Variants in UNC13A observed in about 807,000 individuals in gnomAD.
UNC13A encodes the protein unc-13 homolog A, also known as protein unc-13 homolog A.
Under a neutral mutation model 219.7 loss-of-function variants are expected in UNC13A, and 61 were observed. That is an observed-to-expected ratio of 0.28 (90% CI 0.23 to 0.34). The LOEUF (loss-of-function observed/expected upper bound fraction) is 0.34, where lower values mean the gene tolerates loss of function less well. UNC13A is among the 10% of genes least tolerant of loss of function. UNC13A has a pLI of 1.00. For synonymous variants in UNC13A, 920 were observed against 884.6 expected (o/e 1.04, Z -0.71); for missense variants, 1,476 against 2,270.3 (o/e 0.65, Z 7.11).
At chr19:17,653,436 C>T (rs2079389798) in intron 11 of UNC13A, among the ~76,000 whole-genome samples, 1 of 151,760 alleles carries the variant, frequency 6.6e-6, no homozygotes, top group African/African-American at 2.4e-5. Context: ...CAACCTCCAC[C>T]TCCTGGGTTC....
At chr19:17,623,392 A>C in intron 36 of UNC13A, 150 bp downstream of exon 36, 8 of 520,216 alleles carry the variant, frequency 1.5e-5, no homozygotes, top group Non-Finnish European at 1.6e-5. Flanking sequence ...GCCCCGCCCC[A>C]GACAGACACA....
intron 38 of UNC13A, among the ~76,000 whole-genome samples, chr19:17,620,315 T>G (rs1243742424): frequency 2.0e-5 from 3 of 152,174 alleles, no homozygotes; most frequent in African/African-American, 4.8e-5. Context: ...GTCTACCAGC[T>G]GGCCATCTGG....
At chr19:17,651,959 C>G (rs950855744) in intron 12 of UNC13A, among the ~76,000 whole-genome samples, 2 of 152,110 alleles carry the variant, frequency 1.3e-5, no homozygotes, top group Admixed American at 1.3e-4. Flanking sequence ...CCACTGAAGA[C>G]TAAACAACTA....
Position 17,605,990 on chromosome 19 carries a change from G to GC in UNC13A, c.*63dup. The stretch of plus-strand genomic sequence containing the variant: ...CTGGGGAGGTCCCACCAAGGCGCAA[G>GC]CCCCGTCCCTCCCCGCCCAGCGCCC... On this transcript the variant is annotated 3_prime_UTR_variant, in exon 44 of 44. Coordinates refer to ENST00000519716, the MANE Select transcript of UNC13A (RefSeq NM_001080421.3). The GC allele has an allele frequency of 1.5e-6, 2 of 1,360,462 alleles. No homozygotes were observed. Among genetic ancestry groups the GC allele is most frequent in the South Asian group, 1.7e-5 (1 of 57,912 alleles). The allele number at this position is 1,360,462 out of a possible 1,614,324, so 84.3% of individuals were successfully genotyped here.
rs2080154836 is a variant in UNC13A at position 17,688,315 on chromosome 19, G to C, written c.-116C>G. 2 of 1,326,762 alleles carry C rather than the reference G, an allele frequency of 1.5e-6. No homozygotes were observed. Among genetic ancestry groups the C allele is most frequent in the African/African-American group, 1.6e-5 (1 of 64,272 alleles). 82.2% of individuals were successfully genotyped at this position (1,326,762 alleles called of 1,614,324 possible). ...CAGCCCGCGCTTGGCTCACGCCGGGGCCCGGCCGCCACCGGCCATCTTGGT... is the reference window on the plus strand; with the variant it reads ...CAGCCCGCGCTTGGCTCACGCCGGGCCCCGGCCGCCACCGGCCATCTTGGT... On this transcript the variant is annotated 5_prime_UTR_variant, in exon 1 of 44. Coordinates refer to ENST00000519716, the MANE Select transcript of UNC13A (RefSeq NM_001080421.3).
chr19:17,662,703 G>A (rs1019093052), intron 8 of UNC13A, among the ~76,000 whole-genome samples: 16 of 152,192 alleles, frequency 1.1e-4, no homozygotes, highest in Middle Eastern at 3.4e-3. Context: ...GGTGGATCAC[G>A]AGGTCAGGAG....
intron 1 of UNC13A, among the ~76,000 whole-genome samples, chr19:17,680,879 C>CTTTTTTTTTTTTTTTTTTTTTTTTTT (rs2079996579): frequency 2.5e-5 from 2 of 80,196 alleles, no homozygotes; most frequent in Non-Finnish European, 5.2e-5. Flanking sequence ...CTTTTTTTTT[C>CTTTTTTTTTTTTTTTTTTTTTTTTTT]TTTTCTTTTC....
rs571325205 is a variant in UNC13A, at chr19:17,605,949, C to A, written c.*105G>T. ...GCGCAGCCCACCCTTGGCGTGGAGC[C>A]CCCCGAGCCCCGCCCCTGGGGAGGT... On this transcript the variant is annotated 3_prime_UTR_variant, in exon 44 of 44. Transcript: ENST00000519716. The A allele has an allele frequency of 1.2e-5, 13 of 1,099,632 alleles. No individual in the cohort carries two copies. The highest frequency in any genetic ancestry group is 1.6e-5 in the Non-Finnish European group (13 of 833,112). The allele number at this position is 1,099,632 out of a possible 1,614,324, so 68.1% of individuals were successfully genotyped here.
chr19:17,676,093 G>A (rs1161391499), intron 1 of UNC13A, 52 bp from the exon 2 acceptor site: 2 of 1,528,776 alleles, frequency 1.3e-6, no homozygotes, highest in African/African-American at 1.4e-5. Flanking sequence ...ATGTGGGGAG[G>A]AGGAGGCAGA....
intron 28 of UNC13A, among the ~76,000 whole-genome samples, chr19:17,631,273 T>C (rs1157861745): frequency 7.0e-6 from 1 of 142,398 alleles, no homozygotes; most frequent in Non-Finnish European, 1.5e-5. Flanking sequence ...CAGGCTAAAG[T>C]GCAGTGGTGC....
At position 17,666,674 on chromosome 19, in the gene UNC13A, G is replaced by T; in HGVS notation, c.499C>A (p.Leu167Met). The change falls in exon 7 of 44, where the codon CTG becomes ATG. Residue 167 changes from leucine (L) to methionine (M), a missense_variant. By Grantham distance (15) the Leu-to-Met change is conservative. Transcript: ENST00000519716. ...CAGCACTGGTTGCTGGGGACAGGCA[G>T]AGGCTTGTCTTGCTCATCTTGGAAC... The part of the protein sequence containing the change: ...YSFQDEQDKP[L>M]PVPSNQCCNW... 1 of 1,530,574 alleles carries T rather than the reference G, an allele frequency of 6.5e-7. No homozygotes were observed. Among genetic ancestry groups the T allele is most frequent in the Non-Finnish European group, 8.8e-7 (1 of 1,137,518 alleles). 94.8% of individuals were successfully genotyped at this position (1,530,574 alleles called of 1,614,324 possible).
At chr19:17,679,553 T>TG (rs892686576) in intron 1 of UNC13A, among the ~76,000 whole-genome samples, 9 of 136,536 alleles carry the variant, frequency 6.6e-5, no homozygotes, top group African/African-American at 2.2e-4. Flanking sequence ...TGACAGGCTC[T>TG]GGGGGGTGAT....
intron 34 of UNC13A, 199 bp downstream of exon 34, chr19:17,626,434 A>C: frequency 1.8e-6 from 1 of 553,886 alleles, no homozygotes; most frequent in Non-Finnish European, 3.1e-6. Context: ...CATCCACACA[A>C]ATATTTACTC....
intron 7 of UNC13A, among the ~76,000 whole-genome samples, chr19:17,663,897 G>T (rs1318627865): frequency 6.6e-6 from 1 of 151,908 alleles, no homozygotes; most frequent in Non-Finnish European, 1.5e-5. Flanking sequence ...CCAAGCTCAA[G>T]TGATCCTCCC....
rs538477532 is a variant in UNC13A at position 17,662,113 on chromosome 19, C to T, written c.559+1419G>A. On this transcript the variant is annotated intron_variant, in intron 8 of 43. Coordinates refer to ENST00000519716, the MANE Select transcript of UNC13A (RefSeq NM_001080421.3). ...AAAAAATTAGCTGGGCATGGTGGCA[C>T]GCGCCTGTAATCCCAGCTACTTGGG... is the stretch of plus-strand genomic sequence containing the variant. 3.1e-4 allele frequency among the ~76,000 whole-genome samples: 47 copies of T among 152,040 alleles called. No individual in the cohort carries two copies. The South Asian group carries it at 8.7e-3, about 28-fold the overall frequency.
At chr19:17,648,267 A>C (rs952417220) in intron 16 of UNC13A, among the ~76,000 whole-genome samples, 164 bp downstream of exon 16, 105 of 23,064 alleles carry the variant, frequency 4.6e-3, no homozygotes, top group Admixed American at 5.5e-3. Context: ...CTTTAACCCC[A>C]CCCCTCCCTT....
At chr19:17,682,814 G>C (rs1035973947) in intron 1 of UNC13A, among the ~76,000 whole-genome samples, 18 of 152,188 alleles carry the variant, frequency 1.2e-4, no homozygotes, top group African/African-American at 4.3e-4. Flanking sequence ...TGTAATCCCA[G>C]CACTTTGGGA....
intron 1 of UNC13A, among the ~76,000 whole-genome samples, chr19:17,677,897 G>T (rs545758894): frequency 5.3e-5 from 8 of 152,094 alleles, no homozygotes; most frequent in African/African-American, 1.9e-4. Context: ...ACCCACGTTC[G>T]TTTTGCTTGA....
chr19:17,666,437 A>G (rs964734926), intron 7 of UNC13A, among the ~76,000 whole-genome samples: 9 of 151,670 alleles, frequency 5.9e-5, no homozygotes, highest in African/African-American at 2.2e-4. Context: ...CTGGTCTCGA[A>G]CTCCTGACCT....
Sources: allele counts gnomAD v4.1 joint callset (sites outside exome capture counted in the v4.1 genomes callset), GRCh38; gene constraint gnomAD v4.1.1; transcripts MANE v1.5; gene names NCBI Gene and HGNC (gene_info 2026-07-23, HGNC 2026-07-21).